The following RPS6KC1 variants were observed in gnomAD, a reference collection of about 807,000 sequenced individuals.
The protein encoded by RPS6KC1 is inactive ribosomal protein S6 kinase delta-1.
Under a neutral mutation model 103.8 loss-of-function variants are expected in RPS6KC1, and 54 were observed. The observed-to-expected ratio is 0.52, with a 90% CI of 0.42 to 0.65. The LOEUF (loss-of-function observed/expected upper bound fraction) is 0.65, where lower values mean the gene tolerates loss of function less well. Among genes scored for constraint, RPS6KC1 ranks in the 30% least tolerant of loss-of-function variants. The pLI is 0.00. For missense variants in RPS6KC1, 1,151 were observed against 1,253.8 expected (o/e 0.92, Z 1.24); for synonymous variants, 439 against 438.7 (o/e 1.00, Z -0.01).
chr1:213,590,572 C>T, the RPS6KC1 span, among the ~76,000 whole-genome samples: 3 of 152,260 alleles, frequency 2.0e-5, no homozygotes, highest in African/African-American at 7.2e-5. Context: ...AGCTCAGAAG[C>T]TGGGATGAGC....
At chr1:213,359,488 G>T in the RPS6KC1 span, among the ~76,000 whole-genome samples, 1 of 152,158 alleles carries the variant, frequency 6.6e-6, no homozygotes. Flanking sequence ...ATAGCACACT[G>T]ATGGGTCTTG....
the RPS6KC1 span, among the ~76,000 whole-genome samples, chr1:213,781,844 G>A: frequency 6.6e-6 from 1 of 152,156 alleles, no homozygotes; most frequent in African/African-American, 2.4e-5. Flanking sequence ...AGAAGAAGGG[G>A]TGGTTCGTTG....
rs547542937 is a variant in RPS6KC1, at chr1:213,263,237, G to C, written c.3090+421G>C. On this transcript the variant is annotated intron_variant, in intron 14 of 14. Coordinates refer to ENST00000366960, the MANE Select transcript of RPS6KC1 (RefSeq NM_012424.6). ...AAAGCTACTCAGGTTGCTTAGGAGAGACATATTAGAAAATCTTGTCAAGTT... is the reference window on the plus strand; with the variant it reads ...AAAGCTACTCAGGTTGCTTAGGAGACACATATTAGAAAATCTTGTCAAGTT... Among the ~76,000 whole-genome samples, 10 of 152,272 alleles carry C rather than the reference G, an allele frequency of 6.6e-5. No homozygotes were observed. In the East Asian group the frequency reaches 1.7e-3, roughly 26 times the overall value.
the RPS6KC1 span, among the ~76,000 whole-genome samples, chr1:213,809,551 C>A: frequency 1.3e-5 from 2 of 151,940 alleles, no homozygotes; most frequent in Non-Finnish European, 2.9e-5. Context: ...TAATAAAGTA[C>A]AATAAAACAA....
At chr1:213,485,874 C>T in the RPS6KC1 span, among the ~76,000 whole-genome samples, 1 of 152,060 alleles carries the variant, frequency 6.6e-6, no homozygotes, top group Non-Finnish European at 1.5e-5. Flanking sequence ...TGAAGCAGTG[C>T]AGGAAGAAAA....
At chr1:213,371,111 C>T in the RPS6KC1 span, among the ~76,000 whole-genome samples, 5 of 152,232 alleles carry the variant, frequency 3.3e-5, no homozygotes, top group East Asian at 9.7e-4. Context: ...CTCCCCCTTG[C>T]TCCTTACCCC....
the RPS6KC1 span, among the ~76,000 whole-genome samples, chr1:213,406,045 C>G: frequency 4.6e-5 from 7 of 152,212 alleles, no homozygotes; most frequent in Admixed American, 1.3e-4. Flanking sequence ...TGTCTGCCCT[C>G]TGGGGTTGCA....
chr1:213,400,747 C>T, the RPS6KC1 span, among the ~76,000 whole-genome samples: 5 of 151,610 alleles, frequency 3.3e-5, no homozygotes, highest in Admixed American at 1.3e-4. Context: ...CGCTCTGTCA[C>T]CCAGGCTGGA....
At chr1:213,232,071 GGC>G in intron 9 of RPS6KC1, 50 bp from the exon 10 acceptor site, 1 of 1,606,860 alleles carries the variant, frequency 6.2e-7, no homozygotes, top group East Asian at 2.2e-5. Context: ...AGGCTCCAAA[GGC>G]AACTGAGGAT....
At chr1:213,526,849 A>G in the RPS6KC1 span, among the ~76,000 whole-genome samples, 1 of 152,246 alleles carries the variant, frequency 6.6e-6, no homozygotes, top group Non-Finnish European at 1.5e-5. Flanking sequence ...GTTTGTTCTT[A>G]AGAGTAATAA....
At chr1:213,202,000 G>A (rs1470709879) in intron 8 of RPS6KC1, among the ~76,000 whole-genome samples, 1 of 152,118 alleles carries the variant, frequency 6.6e-6, no homozygotes, top group African/African-American at 2.4e-5. Flanking sequence ...TACATATTAT[G>A]TGTACACCAT....
intron 7 of RPS6KC1, among the ~76,000 whole-genome samples, chr1:213,172,632 T>C (rs1173057023): frequency 6.6e-6 from 1 of 152,046 alleles, no homozygotes; most frequent in Non-Finnish European, 1.5e-5. Flanking sequence ...TTTTAACTAG[T>C]GTGCCAATTC....
At position 213,232,158 on chromosome 1, in the gene RPS6KC1, A is replaced by G; in HGVS notation, c.1128A>G (p.Arg376=). Residue 376 remains arginine (R), a synonymous_variant, in exon 10 of 15, where the codon AGA becomes AGG. Coordinates refer to ENST00000366960, the MANE Select transcript of RPS6KC1 (RefSeq NM_012424.6). Reference sequence around the variant, plus strand: ...AAAGCAGTGAATACAGCAGGAACAGAAAGACCATCATCCCCCGCTGTGTGC... The same window carrying G: ...AAAGCAGTGAATACAGCAGGAACAGGAAGACCATCATCCCCCGCTGTGTGC... ...LRKSSEYSRN[R]KTIIPRCVPN... 1.2e-6 allele frequency: 2 copies of G among 1,613,996 alleles called. No homozygotes were observed. The highest frequency in any genetic ancestry group is 1.7e-6 in the Non-Finnish European group (2 of 1,179,906).
At chr1:213,291,152 C>G in the RPS6KC1 span, among the ~76,000 whole-genome samples, 2 of 152,180 alleles carry the variant, frequency 1.3e-5, no homozygotes, top group South Asian at 4.2e-4. Flanking sequence ...AAAAGGTACT[C>G]CGGCAACTAA....
chr1:213,511,925 G>A, the RPS6KC1 span, among the ~76,000 whole-genome samples: 1 of 152,088 alleles, frequency 6.6e-6, no homozygotes, highest in East Asian at 1.9e-4. Context: ...CTCCATAAAT[G>A]GTACAGAGTT....
intron 1 of RPS6KC1, among the ~76,000 whole-genome samples, chr1:213,057,344 G>A (rs2077418245): frequency 6.6e-6 from 1 of 152,144 alleles, no homozygotes; most frequent in South Asian, 2.1e-4. Flanking sequence ...TGCTTTTCAA[G>A]TATTGATTTT....
At chr1:213,440,117 G>A in the RPS6KC1 span, among the ~76,000 whole-genome samples, 14 of 152,056 alleles carry the variant, frequency 9.2e-5, no homozygotes, top group African/African-American at 3.1e-4. Context: ...CAGATACATT[G>A]CACAGCAAGG....
the RPS6KC1 span, among the ~76,000 whole-genome samples, chr1:213,632,963 A>AC: frequency 1.3e-5 from 2 of 152,248 alleles, no homozygotes; most frequent in Non-Finnish European, 2.9e-5. Flanking sequence ...TGAAGATCAA[A>AC]TTAATTAAAT....
the RPS6KC1 span, among the ~76,000 whole-genome samples, chr1:213,347,710 A>C: frequency 6.6e-6 from 1 of 152,174 alleles, no homozygotes; most frequent in Non-Finnish European, 1.5e-5. Flanking sequence ...TCCCTAAAAC[A>C]TAAACAAATA....
Sources: allele counts gnomAD v4.1 joint callset (sites outside exome capture counted in the v4.1 genomes callset), GRCh38; gene constraint gnomAD v4.1.1; transcripts MANE v1.5; gene names NCBI Gene and HGNC (gene_info 2026-07-23, HGNC 2026-07-21).